The following GID4 variants were observed in gnomAD, a reference collection of about 807,000 sequenced individuals.
The protein encoded by GID4 is glucose-induced degradation protein 4 homolog.
In GID4, 7 loss-of-function variants were observed where a neutral mutation model predicts 32.4. The ratio of observed to expected loss-of-function variants is 0.22; its 90% CI spans 0.12 to 0.41. GID4 has a LOEUF of 0.41. Among genes scored for constraint, GID4 ranks in the 10% least tolerant of loss-of-function variants. The pLI is 1.00. For synonymous variants in GID4, 166 were observed against 170.0 expected (o/e 0.98, Z 0.18); for missense variants, 309 against 400.0 (o/e 0.77, Z 1.94).
At chr17:18,064,409 G>T (rs2045042638) in intron 5 of GID4, among the ~76,000 whole-genome samples, 1 of 152,110 alleles carries the variant, frequency 6.6e-6, no homozygotes, top group Non-Finnish European at 1.5e-5. Flanking sequence ...TATTTTTGAT[G>T]GCTAATGCAT....
At chr17:18,048,341 G>C (rs183367581) in intron 2 of GID4, among the ~76,000 whole-genome samples, 5 of 150,784 alleles carry the variant, frequency 3.3e-5, no homozygotes, top group Non-Finnish European at 5.9e-5. Context: ...GATTACAGGC[G>C]TGCGCCACCC....
At chr17:18,049,492 G>C (rs567367529) in intron 2 of GID4, among the ~76,000 whole-genome samples, 1 of 152,062 alleles carries the variant, frequency 6.6e-6, no homozygotes, top group African/African-American at 2.4e-5. Flanking sequence ...TTGATCTATA[G>C]ATAAACTTAT....
intron 4 of GID4, among the ~76,000 whole-genome samples, chr17:18,059,209 C>T (rs1014632973): frequency 6.6e-6 from 1 of 152,164 alleles, no homozygotes; most frequent in African/African-American, 2.4e-5. Context: ...TGGTGGGTAG[C>T]AAGTGGATTT....
At chr17:18,042,957 T>G (rs1160803459) in intron 1 of GID4, among the ~76,000 whole-genome samples, 1 of 152,214 alleles carries the variant, frequency 6.6e-6, no homozygotes, top group Non-Finnish European at 1.5e-5. Flanking sequence ...TTTCTGTGAT[T>G]CTAGTGTAAA....
intron 2 of GID4, among the ~76,000 whole-genome samples, chr17:18,046,300 G>A (rs2044852143): frequency 6.6e-6 from 1 of 152,192 alleles, no homozygotes; most frequent in Non-Finnish European, 1.5e-5. Context: ...CTGCGAAGTT[G>A]AGAATTAAAA....
chr17:18,040,939 G>C (rs2044794417), intron 1 of GID4, among the ~76,000 whole-genome samples: 1 of 152,112 alleles, frequency 6.6e-6, no homozygotes. Flanking sequence ...TCACTTGTCT[G>C]GGCCTTTCCC....
At chr17:18,055,414 G>A (rs963106581) in intron 3 of GID4, among the ~76,000 whole-genome samples, 6 of 152,254 alleles carry the variant, frequency 3.9e-5, no homozygotes, top group Middle Eastern at 3.4e-3. Context: ...AACTCCCGCA[G>A]ACCCTTGTCT....
rs377757723 is a variant in GID4 at position 18,039,426 on chromosome 17, G to A, written c.-39G>A. 13,699 of 1,321,028 alleles carry A rather than the reference G, an allele frequency of 0.01. 92 individuals carry two copies. The highest frequency in any genetic ancestry group is 0.012 in the Non-Finnish European group (12,396 of 1,004,074). The allele number at this position is 1,321,028 out of a possible 1,614,324, so 81.8% of individuals were successfully genotyped here. A position where few individuals can be genotyped will look rare whatever the true frequency, so the allele number is the denominator to read the frequency against. ...GCGGGGTGTGTGTGTGTCTGTGTGT[G>A]TTTGTGTGTTGTGTGTCTGTGAGTG... On this transcript the variant is annotated 5_prime_UTR_variant, in exon 1 of 6. Coordinates refer to ENST00000268719, the MANE Select transcript of GID4 (RefSeq NM_024052.5). The surrounding 1 kb of genome is among the most constrained non-coding windows in gnomAD (Gnocchi z 5.3).
At chr17:18,040,556 T>A (rs2044786237) in intron 1 of GID4, among the ~76,000 whole-genome samples, 1 of 152,148 alleles carries the variant, frequency 6.6e-6, no homozygotes, top group Non-Finnish European at 1.5e-5. Context: ...GGATGTTGCC[T>A]CCTGGGTCCC....
At position 18,060,084 on chromosome 17, in the gene GID4, CAAAAAAA is replaced by C. The variant is rs35399188; in HGVS notation, c.708+1131_708+1137del. Among the ~76,000 whole-genome samples, 6 of 60,476 alleles carry C rather than the reference CAAAAAAA, an allele frequency of 9.9e-5. No individual in the cohort carries two copies. The East Asian group carries it at 2.3e-3, about 24-fold the overall frequency. 39.7% of individuals were successfully genotyped at this position (60,476 alleles called of 152,430 possible). On this transcript the variant is annotated intron_variant, in intron 4 of 5. Transcript: ENST00000268719. Reference sequence around the variant, plus strand: ...CTGGCGACAGAGCAAGACTCCATCTCAAAAAAAAAAAAAAAAAAAAAAGAAATGGGGA... The same window carrying C: ...CTGGCGACAGAGCAAGACTCCATCTCAAAAAAAAAAAAAAAGAAATGGGGA...
chr17:18,040,181 G>A (rs1232125149), intron 1 of GID4, among the ~76,000 whole-genome samples: 2 of 152,126 alleles, frequency 1.3e-5, no homozygotes, highest in Admixed American at 6.5e-5. Flanking sequence ...TCTGGGATCC[G>A]GAAGCCCCTC....
intron 2 of GID4, among the ~76,000 whole-genome samples, chr17:18,052,416 C>T (rs1004893663): frequency 6.6e-6 from 1 of 152,078 alleles, no homozygotes; most frequent in Non-Finnish European, 1.5e-5. Flanking sequence ...ACATGCAGGC[C>T]AGGTTGGTAG....
At chr17:18,063,388 C>T (rs910535537) in intron 5 of GID4, among the ~76,000 whole-genome samples, 6 of 151,972 alleles carry the variant, frequency 3.9e-5, no homozygotes, top group East Asian at 1.9e-4. Context: ...CCAGCCTGGG[C>T]GACAGAGTGA....
chr17:18,065,161 T>G lies in GID4; in HGVS notation c.840-19T>G, dbSNP rs1038367960. The G allele has an allele frequency of 6.8e-6, 11 of 1,606,466 alleles. No individual in the cohort carries two copies. The highest frequency in any genetic ancestry group is 9.4e-6 in the Non-Finnish European group (11 of 1,173,044). On this transcript the variant is annotated intron_variant, in intron 5 of 5. Coordinates refer to ENST00000268719, the MANE Select transcript of GID4 (RefSeq NM_024052.5). Reference sequence around the variant, plus strand: ...GCATTAGATGACTACCTCCCGTTTCTGTCTCCTCCCCCTTGCAGGTATCAG... The same window carrying G: ...GCATTAGATGACTACCTCCCGTTTCGGTCTCCTCCCCCTTGCAGGTATCAG...
chr17:18,059,653 C>T (rs1478143517), intron 4 of GID4, among the ~76,000 whole-genome samples: 1 of 152,152 alleles, frequency 6.6e-6, no homozygotes, highest in African/African-American at 2.4e-5. Context: ...TGTTAAATAA[C>T]TTTGAGAACA....
chr17:18,045,321 T>C, intron 2 of GID4, 115 bp downstream of exon 2: 1 of 682,958 alleles, frequency 1.5e-6, no homozygotes, highest in Admixed American at 2.5e-5. Flanking sequence ...AGCAGACTAC[T>C]CCTGAGCATT....
rs1274529004 is a variant in GID4 at position 18,061,030 on chromosome 17, C to T, written c.709-815C>T. Among the ~76,000 whole-genome samples, 3 of 152,146 alleles carry T rather than the reference C, an allele frequency of 2.0e-5. No homozygotes were observed. Among genetic ancestry groups the T allele is most frequent in the African/African-American group, 7.2e-5 (3 of 41,422 alleles). On this transcript the variant is annotated intron_variant, in intron 4 of 5. Coordinates refer to ENST00000268719, the MANE Select transcript of GID4 (RefSeq NM_024052.5). The surrounding 1 kb of genome is among the most constrained non-coding windows in gnomAD (Gnocchi z 4.4). ...GATTGCAGGCATAAGCCACCACACCCGATCTGAATTTTAAAATTAATTTTA... is the reference window on the plus strand; with the variant it reads ...GATTGCAGGCATAAGCCACCACACCTGATCTGAATTTTAAAATTAATTTTA...
chr17:18,052,370 T>C, intron 2 of GID4, among the ~76,000 whole-genome samples: 1 of 152,164 alleles, frequency 6.6e-6, no homozygotes, highest in Non-Finnish European at 1.5e-5. Flanking sequence ...CCAGTGGCTT[T>C]TACTGTGGCA....
intron 3 of GID4, chr17:18,057,289 A>C: frequency 2.6e-6 from 1 of 388,744 alleles, no homozygotes; most frequent in African/African-American, 2.0e-5. Flanking sequence ...AAAATTAACC[A>C]GGCATGGTGG....
Sources: gnomAD v4.1 joint callset for allele counts (sites outside exome capture counted in the v4.1 genomes callset) on GRCh38, gnomAD v4.1.1 for gene constraint, Gnocchi (gnomAD v3.1) non-coding constraint, MANE v1.5 for transcripts, NCBI Gene and HGNC (gene_info 2026-07-23, HGNC 2026-07-21) for gene names.